The following FGF14 variants were observed in gnomAD, a reference collection of about 807,000 sequenced individuals.
FGF14 encodes fibroblast growth factor homologous factor 4.
In FGF14, 5 loss-of-function variants were observed where a neutral mutation model predicts 25.5. That is an observed-to-expected ratio of 0.20 (90% CI 0.10 to 0.41). The LOEUF (loss-of-function observed/expected upper bound fraction) is 0.41, where lower values mean the gene tolerates loss of function less well. FGF14 is among the 10% of genes least tolerant of loss of function. FGF14 has a pLI of 1.00. For missense variants in FGF14, 222 were observed against 320.1 expected (o/e 0.69, Z 2.34); for synonymous variants, 138 against 118.3 (o/e 1.17, Z -1.08).
At chr13:101,932,327 T>G (rs1281317166) in intron 1 of FGF14, among the ~76,000 whole-genome samples, 2 of 151,922 alleles carry the variant, frequency 1.3e-5, no homozygotes, top group East Asian at 3.9e-4. Context: ...GTCAGAAGTT[T>G]GTGACCAGCC....
intron 1 of FGF14, among the ~76,000 whole-genome samples, chr13:102,360,220 G>C (rs1276711820): frequency 1.3e-5 from 2 of 152,170 alleles, no homozygotes; most frequent in Admixed American, 1.3e-4. Context: ...GAAGGATCAA[G>C]ATCATCCCTT....
At chr13:102,245,541 G>C (rs2051824133) in intron 1 of FGF14, among the ~76,000 whole-genome samples, 1 of 151,888 alleles carries the variant, frequency 6.6e-6, no homozygotes, top group African/African-American at 2.4e-5. Context: ...TGGTAACTTA[G>C]AAGTAGAAAA....
intron 1 of FGF14, among the ~76,000 whole-genome samples, chr13:101,896,625 T>G (rs373960438): frequency 3.9e-5 from 6 of 152,306 alleles, no homozygotes; most frequent in Admixed American, 3.3e-4. Flanking sequence ...CACTTAGGGA[T>G]GAAGGAAGAG....
At chr13:102,237,412 C>T (rs1449579996) in intron 1 of FGF14, among the ~76,000 whole-genome samples, 1 of 152,160 alleles carries the variant, frequency 6.6e-6, no homozygotes, top group African/African-American at 2.4e-5. Flanking sequence ...AGAATAAATC[C>T]CTGGGAATAG....
chr13:101,851,671 C>T (rs1007593169), intron 3 of FGF14, among the ~76,000 whole-genome samples: 2 of 152,084 alleles, frequency 1.3e-5, no homozygotes, highest in African/African-American at 4.8e-5. Flanking sequence ...GCCTTTCTCT[C>T]CTCCTCCTCG....
chr13:101,916,423 G>A (rs368098464), intron 1 of FGF14, 30 bp downstream of exon 1: 13 of 1,612,930 alleles, frequency 8.1e-6, no homozygotes, highest in Middle Eastern at 1.7e-4. Context: ...GCGACCCGGG[G>A]CGCATCTCCC....
In FGF14 at chr13:102,207,324, C is replaced by A. The variant is rs189968964; in HGVS notation, c.208+194147G>T. Among the ~76,000 whole-genome samples, 3 of 151,262 alleles carry A rather than the reference C, an allele frequency of 2.0e-5. 1 individual carries two copies. The highest frequency in any genetic ancestry group is 1.3e-4 in the Admixed American group (2 of 15,184). On this transcript the variant is annotated intron_variant, in intron 1 of 4. Transcript: ENST00000376131. ...TAAAAGAAAGAAAAAAAGAAAAAAA[C>A]TCCCCTCCAAACCTTAGATTTAATA...
intron 1 of FGF14, among the ~76,000 whole-genome samples, chr13:102,003,784 C>G (rs1172443987): frequency 6.6e-6 from 1 of 151,546 alleles, no homozygotes; most frequent in Admixed American, 6.6e-5. Context: ...CTTCTGGTTT[C>G]AAAAATGGCA....
chr13:102,145,031 T>C (rs1279666767), intron 1 of FGF14, among the ~76,000 whole-genome samples: 1 of 152,186 alleles, frequency 6.6e-6, no homozygotes, highest in African/African-American at 2.4e-5. Flanking sequence ...TAAACATCCC[T>C]GGATTTTGTT....
intron 1 of FGF14, among the ~76,000 whole-genome samples, chr13:102,328,732 T>C (rs948885391): frequency 1.3e-4 from 20 of 152,254 alleles, no homozygotes; most frequent in African/African-American, 4.8e-4. Context: ...TAAATTAAGA[T>C]ACATTATACA....
rs796286929 is a variant in FGF14 at position 102,310,697 on chromosome 13, G to GT, written c.208+90773_208+90774insA. Among the ~76,000 whole-genome samples the GT allele has an allele frequency of 8.2e-3, 96 of 11,712 alleles. 11 individuals are homozygous for GT. Among genetic ancestry groups the GT allele is most frequent in the Middle Eastern group, 0.038 (1 of 26 alleles). The allele number at this position is 11,712 out of a possible 152,430, so 7.7% of individuals were successfully genotyped here. On this transcript the variant is annotated intron_variant, in intron 1 of 4. Coordinates refer to the FGF14 transcript ENST00000376131. ...TCTCTCTCTCTCTCTGTGTGTGTGT[G>GT]GGGGGGGGGGGGTGGGGGTTGTTTA...
intron 1 of FGF14, among the ~76,000 whole-genome samples, chr13:102,359,428 T>C (rs17590330): frequency 0.14 from 20,581 of 152,192 alleles, 1,494 homozygotes; most frequent in Non-Finnish European, 0.17. Flanking sequence ...ATTTTTAGTA[T>C]ATAAATTTCT....
At chr13:102,198,037 C>T (rs944070582) in intron 1 of FGF14, among the ~76,000 whole-genome samples, 15 of 152,148 alleles carry the variant, frequency 9.9e-5, no homozygotes, top group Admixed American at 5.9e-4. Context: ...AACTGGGCAC[C>T]GACTCTTTCC....
At chr13:101,963,729 A>G (rs947044935) in intron 1 of FGF14, among the ~76,000 whole-genome samples, 2 of 152,220 alleles carry the variant, frequency 1.3e-5, no homozygotes, top group Non-Finnish European at 1.5e-5. Flanking sequence ...TGTGTTCACA[A>G]TGAATTACTT....
chr13:102,198,154 G>A (rs2049449797), intron 1 of FGF14, among the ~76,000 whole-genome samples: 2 of 152,158 alleles, frequency 1.3e-5, no homozygotes, highest in Non-Finnish European at 2.9e-5. Context: ...ACCTCTTGGA[G>A]GTAGATGTTG....
chr13:101,807,187 A>C (rs1216024851), intron 3 of FGF14, among the ~76,000 whole-genome samples: 1 of 152,164 alleles, frequency 6.6e-6, no homozygotes, highest in Admixed American at 6.6e-5. Context: ...AATGCTGAGC[A>C]TAAATTATAT....
At chr13:101,887,299 T>C (rs1055253602) in intron 1 of FGF14, among the ~76,000 whole-genome samples, 4 of 150,892 alleles carry the variant, frequency 2.7e-5, no homozygotes, top group Non-Finnish European at 5.9e-5. Context: ...AAAGAAAATG[T>C]GATGTAAATA....
intron 1 of FGF14, among the ~76,000 whole-genome samples, chr13:102,102,298 A>T (rs1301970294): frequency 6.6e-6 from 1 of 152,190 alleles, no homozygotes; most frequent in Non-Finnish European, 1.5e-5. Flanking sequence ...ATGAGTTTAG[A>T]AGTGGGTTCC....
intron 1 of FGF14, among the ~76,000 whole-genome samples, chr13:102,233,974 C>T (rs983837980): frequency 3.3e-5 from 5 of 152,178 alleles, no homozygotes; most frequent in African/African-American, 1.2e-4. Context: ...AACTGTCCAC[C>T]TTACATGAGG....
Sources: gnomAD v4.1 joint callset for allele counts (sites outside exome capture counted in the v4.1 genomes callset) on GRCh38, gnomAD v4.1.1 for gene constraint, MANE v1.5 for transcripts, NCBI Gene and HGNC (gene_info 2026-07-23, HGNC 2026-07-21) for gene names.